Variants in GALNTL6 observed in about 807,000 individuals in gnomAD.
GALNTL6 encodes polypeptide N-acetylgalactosaminyltransferase-like 6.
A neutral mutation model predicts 73.7 loss-of-function variants in GALNTL6; 46 were observed. The observed-to-expected ratio is 0.62, with a 90% CI of 0.49 to 0.80. GALNTL6 has a LOEUF of 0.80. Ranked by LOEUF, GALNTL6 falls within the 30% of genes least tolerant of loss-of-function variation. GALNTL6 has a pLI of 0.00. For synonymous variants in GALNTL6, 259 were observed against 263.7 expected (o/e 0.98, Z 0.17); for missense variants, 604 against 755.0 (o/e 0.80, Z 2.34).
chr4:172,371,441 G>A (rs2111259275), intron 5 of GALNTL6, among the ~76,000 whole-genome samples: 1 of 152,340 alleles, frequency 6.6e-6, no homozygotes, highest in South Asian at 2.1e-4. Context: ...TCATGGAGAA[G>A]ACCGTCAATT....
rs189794779 is a variant in GALNTL6, at chr4:172,426,986, T to C, written c.553+78297T>C. Among the ~76,000 whole-genome samples the C allele has an allele frequency of 7.2e-5, 11 of 152,224 alleles. No individual in the cohort carries two copies. In the East Asian group the frequency reaches 2.1e-3, roughly 29 times the overall value. On this transcript the variant is annotated intron_variant, in intron 5 of 12. Transcript: ENST00000506823. ...GTGGGTCAATGTGGTTATCAAAGTA[T>C]CATTTTATGTACAGCATGTATGTAA...
chr4:172,362,982 A>G (rs1291744893), intron 5 of GALNTL6, among the ~76,000 whole-genome samples: 1 of 152,176 alleles, frequency 6.6e-6, no homozygotes, highest in Non-Finnish European at 1.5e-5. Context: ...ACTTTTGTCT[A>G]ATCAAATCCA....
chr4:171,915,351 T>C (rs1737587096), intron 2 of GALNTL6, among the ~76,000 whole-genome samples: 1 of 152,188 alleles, frequency 6.6e-6, no homozygotes, highest in African/African-American at 2.4e-5. Context: ...ATTCATTATA[T>C]GCCTTCTTGG....
chr4:172,365,422 G>C (rs1272459410), intron 5 of GALNTL6, among the ~76,000 whole-genome samples: 1 of 152,108 alleles, frequency 6.6e-6, no homozygotes, highest in Non-Finnish European at 1.5e-5. Flanking sequence ...CTTTTGATTG[G>C]ATTAGGCAGT....
intron 2 of GALNTL6, among the ~76,000 whole-genome samples, chr4:172,005,537 A>AC (rs1740817015): frequency 6.6e-6 from 1 of 152,182 alleles, no homozygotes; most frequent in South Asian, 2.1e-4. Flanking sequence ...AACAAATGGT[A>AC]CAAGCACCAC....
At chr4:172,641,224 C>T (rs1579277322) in intron 5 of GALNTL6, among the ~76,000 whole-genome samples, 1 of 152,056 alleles carries the variant, frequency 6.6e-6, no homozygotes. Context: ...CTTTGTAGTC[C>T]ATTCTCAAAA....
At chr4:172,615,817 A>G (rs1339106287) in intron 5 of GALNTL6, among the ~76,000 whole-genome samples, 1 of 152,192 alleles carries the variant, frequency 6.6e-6, no homozygotes, top group African/African-American at 2.4e-5. Flanking sequence ...AATTAGATAC[A>G]GTGATCTAAA....
At chr4:171,907,603 C>G (rs1737332895) in intron 2 of GALNTL6, among the ~76,000 whole-genome samples, 1 of 151,972 alleles carries the variant, frequency 6.6e-6, no homozygotes, top group African/African-American at 2.4e-5. Flanking sequence ...CCATCCCCAT[C>G]AAGCTACCAA....
At chr4:171,988,533 T>TG (rs1272119001) in intron 2 of GALNTL6, among the ~76,000 whole-genome samples, 1 of 151,932 alleles carries the variant, frequency 6.6e-6, no homozygotes, top group Admixed American at 6.6e-5. Flanking sequence ...AACAGAATAG[T>TG]GGATTGTGGA....
chr4:172,338,002 G>C (rs1429414995), intron 4 of GALNTL6, among the ~76,000 whole-genome samples: 5 of 151,814 alleles, frequency 3.3e-5, no homozygotes, highest in Non-Finnish European at 5.9e-5. Context: ...TGCTTGACTA[G>C]GTTAGTTTGA....
chr4:171,981,614 C>T (rs1365888672), intron 2 of GALNTL6, among the ~76,000 whole-genome samples: 1 of 152,084 alleles, frequency 6.6e-6, no homozygotes, highest in Non-Finnish European at 1.5e-5. Context: ...TATTCTTTCA[C>T]AAGATCTTTA....
At chr4:172,462,199 C>T (rs902557858) in intron 5 of GALNTL6, among the ~76,000 whole-genome samples, 1 of 111,648 alleles carries the variant, frequency 9.0e-6, no homozygotes, top group Non-Finnish European at 2.3e-5. Flanking sequence ...TTGCAGACAG[C>T]AGATATTGGG....
chr4:172,132,713 A>T (rs145451976), intron 2 of GALNTL6, among the ~76,000 whole-genome samples: 1 of 152,276 alleles, frequency 6.6e-6, no homozygotes, highest in African/African-American at 2.4e-5. Flanking sequence ...TCATATTGGA[A>T]CCTTTCAGTG....
intron 4 of GALNTL6, among the ~76,000 whole-genome samples, chr4:172,343,589 G>T (rs926355794): frequency 6.6e-6 from 1 of 151,928 alleles, no homozygotes; most frequent in Admixed American, 6.6e-5. Flanking sequence ...ACCATGAAAA[G>T]AATAAATGTT....
At chr4:172,644,584 T>C (rs1740147705) in intron 5 of GALNTL6, among the ~76,000 whole-genome samples, 2 of 152,130 alleles carry the variant, frequency 1.3e-5, no homozygotes, top group South Asian at 2.1e-4. Context: ...TTTTATTGCT[T>C]TGTAATATTA....
intron 2 of GALNTL6, 190 bp downstream of exon 2, chr4:171,814,908 G>T (rs187593189): frequency 4.3e-5 from 26 of 607,458 alleles, no homozygotes; most frequent in African/African-American, 3.3e-4. Context: ...CAGTAACATC[G>T]TGACATGTAC....
intron 2 of GALNTL6, among the ~76,000 whole-genome samples, chr4:171,941,662 C>T (rs1578992004): frequency 6.6e-6 from 1 of 151,954 alleles, no homozygotes; most frequent in African/African-American, 2.4e-5. Flanking sequence ...GGCAGGTTTT[C>T]CTACCTTTGA....
chr4:172,745,214 A>AG (rs1211700634), intron 5 of GALNTL6, among the ~76,000 whole-genome samples: 1 of 64,806 alleles, frequency 1.5e-5, no homozygotes, highest in African/African-American at 1.0e-4. Flanking sequence ...TCTGTTAATT[A>AG]AAAAAAGAAG....
At position 172,476,281 on chromosome 4, in the gene GALNTL6, G is replaced by A. The variant is rs1356586595; in HGVS notation, c.553+127592G>A. ...TGTTCTAACATGGCAGAAGGAGCAAGGCAGTTTCCTGAGGCCTCTTTTGCA... is the reference window on the plus strand; with the variant it reads ...TGTTCTAACATGGCAGAAGGAGCAAAGCAGTTTCCTGAGGCCTCTTTTGCA... On this transcript the variant is annotated intron_variant, in intron 5 of 12. Transcript: ENST00000506823. Among the ~76,000 whole-genome samples the A allele has an allele frequency of 2.6e-5, 4 of 152,322 alleles. No homozygotes were observed. The East Asian group carries it at 5.8e-4, about 22-fold the overall frequency.
Sources: allele counts gnomAD v4.1 joint callset (sites outside exome capture counted in the v4.1 genomes callset), GRCh38; gene constraint gnomAD v4.1.1; transcripts MANE v1.5; gene names NCBI Gene and HGNC (gene_info 2026-07-23, HGNC 2026-07-21).